The following LRRC43 variants were observed in gnomAD, a reference collection of about 807,000 sequenced individuals.
LRRC43 encodes the protein leucine rich repeat containing 43.
Under a neutral mutation model 64.3 loss-of-function variants are expected in LRRC43, and 62 were observed. That is an observed-to-expected ratio of 0.96 (90% CI 0.79 to 1.19). The LOEUF is 1.19. Ranked by LOEUF, LRRC43 falls within the 50% of genes most tolerant of loss-of-function variation. LRRC43 has a pLI of 0.00. For missense variants in LRRC43, 868 were observed against 845.0 expected, an observed-to-expected ratio of 1.03 and a Z score of -0.34; for synonymous variants, 422 against 382.3, an observed-to-expected ratio of 1.10 and a Z score of -1.21.
intron 1 of LRRC43, among the ~76,000 whole-genome samples, chr12:122,173,152 T>C (rs1273709598): frequency 1.3e-5 from 2 of 151,880 alleles, no homozygotes; most frequent in Non-Finnish European, 2.9e-5. Flanking sequence ...GGCGAGAGTT[T>C]TCCCCAACAA....
At chr12:122,197,546 G>A (rs902096394) in intron 7 of LRRC43, among the ~76,000 whole-genome samples, 2 of 152,022 alleles carry the variant, frequency 1.3e-5, no homozygotes, top group Non-Finnish European at 2.9e-5. Context: ...GGTTCGTCAC[G>A]TCCGCAAGGT....
upstream of LRRC43, among the ~76,000 whole-genome samples, chr12:122,178,688 T>C (rs1953557815): frequency 1.4e-5 from 2 of 145,052 alleles, no homozygotes; most frequent in African/African-American, 5.1e-5. Flanking sequence ...GCCTCCCGGG[T>C]TCAAGCGATT....
In LRRC43 at chr12:122,187,827, A is replaced by C. The variant is rs1190524439; in HGVS notation, c.649A>C (p.Thr217Pro). The change falls in exon 4 of 12, where the codon ACC becomes CCC. Residue 217 changes from threonine (T) to proline (P), a missense_variant. Physicochemically the swap from Thr to Pro is conservative, Grantham distance 38. Transcript: ENST00000339777. ...AGGCCCCTTGGAAAGTCTCTACGTCACCGCTAATCACTGGTAACTCGGGAG... is the reference window on the plus strand; with the variant it reads ...AGGCCCCTTGGAAAGTCTCTACGTCCCCGCTAATCACTGGTAACTCGGGAG... The part of the protein sequence containing the change: ...LLGPLESLYV[T>P]ANHWPNLVSL... 6 of 1,613,948 alleles carry C rather than the reference A, an allele frequency of 3.7e-6. No individual in the cohort carries two copies. The highest frequency in any genetic ancestry group is 5.1e-6 in the Non-Finnish European group (6 of 1,180,008).
rs1204042226 is a variant in LRRC43 at position 122,200,578 on chromosome 12, C to T, written c.1538C>T (p.Ser513Phe). ...CTACCTGCTGTTGACAGTCCCCTGT[C>T]TGCCAAGAAAGGAAAGGGGGAGAAA... is the stretch of plus-strand genomic sequence containing the variant. ...VVLPAVDSPL[S>F]AKKGKGEKDK... is the part of the protein sequence containing the mutation. The change falls in exon 9 of 12, where the codon TCT becomes TTT. Residue 513 changes from serine to phenylalanine, a missense_variant. Ser to Phe is a radical substitution (Grantham distance 155, BLOSUM62 -2). Transcript: ENST00000339777. The surrounding 1 kb of genome is among the most constrained non-coding windows in gnomAD (Gnocchi z 4.6). The T allele has an allele frequency of 6.5e-7, 1 of 1,541,788 alleles. No homozygotes were observed. Among genetic ancestry groups the T allele is most frequent in the Non-Finnish European group, 9.0e-7 (1 of 1,114,708 alleles).
intron 1 of LRRC43, among the ~76,000 whole-genome samples, chr12:122,168,753 T>A (rs148918237): frequency 1.3e-5 from 2 of 152,326 alleles, no homozygotes; most frequent in Admixed American, 6.5e-5. Context: ...AACTACCAAC[T>A]GTCTGAATTT....
chr12:122,183,434 T>C (rs2136027640), intron 1 of LRRC43, 140 bp downstream of exon 1: 1 of 1,021,998 alleles, frequency 9.8e-7, no homozygotes, highest in East Asian at 3.3e-5. Context: ...GGGTGGGGCT[T>C]GAGGGTGACG....
intron 10 of LRRC43, 25 bp from the exon 11 acceptor site, chr12:122,201,271 C>G: frequency 6.2e-7 from 1 of 1,613,752 alleles, no homozygotes; most frequent in Non-Finnish European, 8.5e-7. Flanking sequence ...CAGTAAGCAT[C>G]TCGTTTTGTG....
intron 1 of LRRC43, among the ~76,000 whole-genome samples, chr12:122,177,515 GTGTT>G (rs1175262842): frequency 2.4e-5 from 3 of 126,674 alleles, no homozygotes; most frequent in Admixed American, 8.0e-5. Context: ...GTGTGTGTGT[GTGTT>G]TAATAGAAAG....
At chr12:122,192,144 TTG>T (rs979755982) in intron 6 of LRRC43, among the ~76,000 whole-genome samples, 1 of 147,700 alleles carries the variant, frequency 6.8e-6, no homozygotes, top group African/African-American at 2.6e-5. Context: ...TATTTCTTTT[TTG>T]TGTGTGTGTG....
chr12:122,189,665 G>A (rs1953690925), intron 4 of LRRC43: 1 of 366,706 alleles, frequency 2.7e-6, no homozygotes, highest in Non-Finnish European at 5.4e-6. Flanking sequence ...AGACCGCCCA[G>A]CCCTCCAGCC....
rs1011731415 is a variant in LRRC43, at chr12:122,190,136, C to G, written c.669C>G (p.Asn223Lys). ...SLYVTANHWP[N>K]LVSLDLGFND... ...GGTCCTGCTCACCTTCCAGGCCCAA[C>G]CTCGTCTCCCTGGACCTGGGCTTCA... The change falls in exon 5 of 12, where the codon AAC (asparagine) becomes AAG (lysine). Residue 223 changes from asparagine (N) to lysine (K), a missense_variant. Coordinates refer to ENST00000339777, the MANE Select transcript of LRRC43 (RefSeq NM_001098519.2). The G allele has an allele frequency of 6.2e-7, 1 of 1,613,908 alleles. No individual in the cohort carries two copies. Among genetic ancestry groups the G allele is most frequent in the African/African-American group, 1.3e-5 (1 of 74,922 alleles).
chr12:122,200,299 C>A lies in LRRC43; in HGVS notation c.1460C>A (p.Ala487Glu). 3.1e-6 allele frequency: 5 copies of A among 1,612,076 alleles called. No individual in the cohort carries two copies. The highest frequency in any genetic ancestry group is 4.2e-6 in the Non-Finnish European group (5 of 1,179,956). ...GTCCCACTGAAGGCCTTCCTGCTGG[C>A]GGGGACCACCGTGACCATCGTGGAG... Reference protein sequence around the residue: ...DLVPLKAFLLAGTTVTIVEEK... With the variant: ...DLVPLKAFLLEGTTVTIVEEK... Residue 487 changes from alanine to glutamate, a missense_variant, in exon 8 of 12, where the codon GCG (alanine) becomes GAG (glutamate). Transcript: ENST00000339777. This position sits in a 1 kb window ranked among gnomAD's most constrained non-coding sequence, Gnocchi z 4.6.
intron 3 of LRRC43, among the ~76,000 whole-genome samples, chr12:122,186,898 G>C (rs571696709): frequency 5.2e-4 from 73 of 140,764 alleles, no homozygotes; most frequent in African/African-American, 1.8e-3. Context: ...CAGTCTGGGC[G>C]ACAGAGTGAC....
chr12:122,175,579 C>T (rs867919304), intron 1 of LRRC43, among the ~76,000 whole-genome samples: 28 of 151,418 alleles, frequency 1.8e-4, no homozygotes, highest in Non-Finnish European at 3.5e-4. Flanking sequence ...TCACAACTCA[C>T]GGCAGCCCCG....
intron 7 of LRRC43, among the ~76,000 whole-genome samples, chr12:122,198,374 C>T (rs1227702227): frequency 6.6e-6 from 1 of 152,136 alleles, no homozygotes; most frequent in Non-Finnish European, 1.5e-5. Flanking sequence ...CAACCATTAC[C>T]ACAGTCTAAT....
chr12:122,199,257 G>T (rs1258406917), intron 7 of LRRC43, among the ~76,000 whole-genome samples: 1 of 147,966 alleles, frequency 6.8e-6, no homozygotes, highest in Admixed American at 6.8e-5. Context: ...CTAGCCTGGG[G>T]CTAGGCTAGA....
chr12:122,198,393 G>A (rs1056919303), intron 7 of LRRC43, among the ~76,000 whole-genome samples: 2 of 151,994 alleles, frequency 1.3e-5, no homozygotes, highest in Non-Finnish European at 2.9e-5. Context: ...ATTCCAGAAC[G>A]TTTCCATCAC....
intron 1 of LRRC43, among the ~76,000 whole-genome samples, chr12:122,174,799 T>C (rs1394855399): frequency 6.6e-6 from 1 of 152,054 alleles, no homozygotes; most frequent in Non-Finnish European, 1.5e-5. Context: ...AACCAGAGAC[T>C]GTGATCCAGA....
upstream of LRRC43, among the ~76,000 whole-genome samples, chr12:122,182,449 G>C (rs1435832837): frequency 6.7e-6 from 1 of 149,476 alleles, no homozygotes; most frequent in Non-Finnish European, 1.5e-5. Context: ...TTGAATCTGG[G>C]AGGCGGAGGT....
Sources: gnomAD v4.1 joint callset for allele counts (sites outside exome capture counted in the v4.1 genomes callset) on GRCh38, gnomAD v4.1.1 for gene constraint, Gnocchi (gnomAD v3.1) non-coding constraint, MANE v1.5 for transcripts, NCBI Gene and HGNC (gene_info 2026-07-23, HGNC 2026-07-21) for gene names.